The following MYO16 variants were observed in gnomAD, a reference collection of about 807,000 sequenced individuals.
MYO16 encodes the protein unconventional myosin-XVI.
MYO16 carries 94 observed loss-of-function variants against 205.3 expected under a neutral mutation model. The observed-to-expected ratio is 0.46, with a 90% CI of 0.39 to 0.54. The LOEUF (loss-of-function observed/expected upper bound fraction) is 0.54. Among genes scored for constraint, MYO16 ranks in the 20% least tolerant of loss-of-function variants. The probability of loss-of-function intolerance (pLI) is 0.00; values close to 1 mark genes in which losing one functional copy is unlikely to be tolerated. For synonymous variants in MYO16, 988 were observed against 954.0 expected, an observed-to-expected ratio of 1.04 and a Z score of -0.66; for missense variants, 2,315 against 2,387.5, an observed-to-expected ratio of 0.97 and a Z score of 0.63.
chr13:108,615,778 T>C (rs543183660), intron 1 of MYO16, among the ~76,000 whole-genome samples: 9 of 152,270 alleles, frequency 5.9e-5, no homozygotes, highest in South Asian at 2.1e-4. Flanking sequence ...AGATTAATGA[T>C]TTCCAGAGGC....
At chr13:108,823,318 T>C in intron 9 of MYO16, 40 bp downstream of exon 9, 1 of 1,555,860 alleles carries the variant, frequency 6.4e-7, no homozygotes, top group Non-Finnish European at 8.7e-7. Context: ...CCATCTTCTC[T>C]ACCTGCTGGT....
intron 24 of MYO16, among the ~76,000 whole-genome samples, chr13:109,050,363 G>C (rs1030878313): frequency 3.9e-5 from 6 of 151,926 alleles, no homozygotes; most frequent in African/African-American, 1.2e-4. Flanking sequence ...TTTTTGGCCA[G>C]GAGTCCCAAG....
chr13:108,818,034 A>G (rs955903360), intron 7 of MYO16, among the ~76,000 whole-genome samples: 3 of 152,178 alleles, frequency 2.0e-5, no homozygotes, highest in Non-Finnish European at 4.4e-5. Flanking sequence ...TTAAATGTCT[A>G]TATTGTAAAA....
In MYO16 at chr13:108,609,025, ACTC is replaced by A. The variant is rs553007385; in HGVS notation, c.-39+12787_-39+12789del. 2.5e-3 allele frequency among the ~76,000 whole-genome samples: 377 copies of A among 152,248 alleles called. 2 individuals carry two copies. The highest frequency in any genetic ancestry group is 8.6e-3 in the African/African-American group (357 of 41,540). Reference sequence around the variant, plus strand: ...TATTTTTTGAAGGACATTGAAAGGTACTCAATGGTGACCCCAGCAACACTCTTC... The same window carrying A: ...TATTTTTTGAAGGACATTGAAAGGTAAATGGTGACCCCAGCAACACTCTTC... On this transcript the variant is annotated intron_variant, in intron 1 of 24. Coordinates refer to the MYO16 transcript ENST00000251041.
intron 2 of MYO16, among the ~76,000 whole-genome samples, chr13:108,668,327 G>A (rs1881831186): frequency 6.6e-6 from 1 of 152,138 alleles, no homozygotes; most frequent in Admixed American, 6.5e-5. Context: ...GCGGAGCTAG[G>A]GTGTGGTGAG....
chr13:108,923,017 C>T (rs1317246322), intron 16 of MYO16, among the ~76,000 whole-genome samples: 3 of 152,148 alleles, frequency 2.0e-5, no homozygotes, highest in East Asian at 1.9e-4. Context: ...ATGCTAGGAG[C>T]GTGAGAGCCA....
At chr13:109,031,499 C>T (rs144559904) in intron 23 of MYO16, among the ~76,000 whole-genome samples, 11 of 152,282 alleles carry the variant, frequency 7.2e-5, no homozygotes, top group African/African-American at 2.6e-4. Context: ...ACTATTGGCA[C>T]TGATGGATGC....
chr13:108,989,347 A>G (rs571934836), intron 20 of MYO16, among the ~76,000 whole-genome samples: 1 of 152,292 alleles, frequency 6.6e-6, no homozygotes, highest in South Asian at 2.1e-4. Context: ...TTTGCTGGTT[A>G]TAAAAATATA....
At chr13:109,194,877 T>C (rs543194962) in intron 34 of MYO16, among the ~76,000 whole-genome samples, 4 of 152,232 alleles carry the variant, frequency 2.6e-5, no homozygotes, top group African/African-American at 7.2e-5. Flanking sequence ...AAGATCCTTA[T>C]CCTAAATGTC....
intron 4 of MYO16, among the ~76,000 whole-genome samples, chr13:108,734,880 A>G (rs1884639217): frequency 1.3e-5 from 2 of 152,270 alleles, no homozygotes; most frequent in South Asian, 4.1e-4. Flanking sequence ...CGCATGTGGA[A>G]TTCTGTCTGC....
intron 16 of MYO16, among the ~76,000 whole-genome samples, chr13:108,922,589 G>C (rs1426749379): frequency 1.3e-5 from 2 of 152,208 alleles, no homozygotes; most frequent in Non-Finnish European, 2.9e-5. Flanking sequence ...AAGTCAATAA[G>C]ATTTGGAATG....
chr13:108,815,678 C>T (rs902254768), intron 7 of MYO16, among the ~76,000 whole-genome samples: 11 of 152,168 alleles, frequency 7.2e-5, no homozygotes, highest in South Asian at 2.1e-4. Context: ...GTTTAAGCCA[C>T]GAACCTTGTG....
rs537071091 is a variant in MYO16 at position 109,064,596 on chromosome 13, A to G, written c.3335+9001A>G. On this transcript the variant is annotated intron_variant, in intron 27 of 34. Transcript: ENST00000457511. Reference sequence around the variant, plus strand: ...CATACCTAAGCTCAAACCAGCTCCAATCTTTGTTGTTATTATTATTGTTTT... The same window carrying G: ...CATACCTAAGCTCAAACCAGCTCCAGTCTTTGTTGTTATTATTATTGTTTT... 4.6e-5 allele frequency among the ~76,000 whole-genome samples: 7 copies of G among 152,276 alleles called. No homozygotes were observed. The South Asian group carries it at 1.2e-3, about 27-fold the overall frequency.
chr13:108,759,972 A>G (rs1217220583), intron 4 of MYO16, among the ~76,000 whole-genome samples: 2 of 152,178 alleles, frequency 1.3e-5, no homozygotes, highest in East Asian at 1.9e-4. Flanking sequence ...GATGCATGTG[A>G]TATTTTGATT....
chr13:109,201,406 A>T (rs1459480185), intron 34 of MYO16: 2 of 147,986 alleles, frequency 1.4e-5, no homozygotes, highest in South Asian at 2.1e-4. Flanking sequence ...CATATAATTT[A>T]TAGTTACCCA....
chr13:108,583,959 G>GT, the MYO16 span, among the ~76,000 whole-genome samples: 2 of 151,954 alleles, frequency 1.3e-5, no homozygotes, highest in Non-Finnish European at 2.9e-5. Flanking sequence ...GTAGTTTTTT[G>GT]TTTTTTGTTT....
In MYO16 at chr13:108,803,516, G is replaced by A. The variant is rs535135637; in HGVS notation, c.742-3163G>A. On this transcript the variant is annotated intron_variant, in intron 6 of 34. Transcript: ENST00000457511. ...ACAGTGTTGGGGGCTTTGACCGGAT[G>A]CAATGAAAACTGATCCTTATATGGG... is the stretch of plus-strand genomic sequence containing the variant. Among the ~76,000 whole-genome samples the A allele has an allele frequency of 1.2e-4, 19 of 152,294 alleles. 1 individual carries two copies. Among genetic ancestry groups the A allele is most frequent in the African/African-American group, 4.6e-4 (19 of 41,568 alleles).
intron 15 of MYO16, among the ~76,000 whole-genome samples, chr13:108,908,689 G>T (rs950479042): frequency 5.9e-5 from 9 of 152,196 alleles, no homozygotes; most frequent in Admixed American, 2.6e-4. Flanking sequence ...AAATTGAAAT[G>T]CAGGTCTGGC....
intron 21 of MYO16, among the ~76,000 whole-genome samples, chr13:109,003,383 C>T (rs1250833106): frequency 6.6e-6 from 1 of 152,142 alleles, no homozygotes; most frequent in Non-Finnish European, 1.5e-5. Flanking sequence ...GCAAAGATCA[C>T]CCTATGCCAC....
Sources: gnomAD v4.1 joint callset for allele counts (sites outside exome capture counted in the v4.1 genomes callset) on GRCh38, gnomAD v4.1.1 for gene constraint, MANE v1.5 for transcripts, NCBI Gene and HGNC (gene_info 2026-07-23, HGNC 2026-07-21) for gene names.